Variants in NXF1 observed in about 807,000 individuals in gnomAD.
NXF1 encodes the protein nuclear RNA export factor 1, also known as mRNA export factor TAP.
A neutral mutation model predicts 92.4 loss-of-function variants in NXF1; 43 were observed. That is an observed-to-expected ratio of 0.47 (90% CI 0.36 to 0.60). The LOEUF is 0.60. Ranked by LOEUF, NXF1 falls within the 20% of genes least tolerant of loss-of-function variation. The pLI, the probability that NXF1 is intolerant of heterozygous loss-of-function variation, is 0.00. For synonymous variants in NXF1, 288 were observed against 292.2 expected, an observed-to-expected ratio of 0.99 and a Z score of 0.15; for missense variants, 576 against 793.0, an observed-to-expected ratio of 0.73 and a Z score of 3.29.
In NXF1 at chr11:62,792,468, GACT is replaced by G; in HGVS notation, c.*5_*7del. On this transcript the variant is annotated 3_prime_UTR_variant, in exon 21 of 21. Coordinates refer to ENST00000294172, the MANE Select transcript of NXF1 (RefSeq NM_006362.5). ...ACAGGGGGGACTGCTTCTGAGGCAT[GACT>G]ACGATCACTTCATGAATGCCACTTC... is the stretch of plus-strand genomic sequence containing the variant. 1 of 1,614,168 alleles carries G rather than the reference GACT, an allele frequency of 6.2e-7. No individual in the cohort carries two copies. The highest frequency in any genetic ancestry group is 8.5e-7 in the Non-Finnish European group (1 of 1,180,008).
At chr11:62,799,916 G>A (rs938629766) in intron 10 of NXF1, 17 of 988,604 alleles carry the variant, frequency 1.7e-5, no homozygotes, top group Middle Eastern at 5.1e-4. Flanking sequence ...CTTGGCGCAA[G>A]GGCAAGAGGG....
chr11:62,792,564 C>G (rs763717765), intron 20 of NXF1, 50 bp from the exon 21 acceptor site: 4 of 1,610,648 alleles, frequency 2.5e-6, no homozygotes, highest in Non-Finnish European at 3.4e-6. Flanking sequence ...CGCCACTCAG[C>G]AACCCCACTC....
rs2134778507 is a variant in NXF1, at chr11:62,802,198, A to C, written c.432T>G (p.Ser144Arg). ...WLLSMIQSKC[S>R]VPFTPIEFHY... ...TTACCTCAATAGGGGTGAAGGGCACACTGCACTTGCTCTGAATCATGCTCA... is the reference window on the plus strand; with the variant it reads ...TTACCTCAATAGGGGTGAAGGGCACCCTGCACTTGCTCTGAATCATGCTCA... The change falls in exon 4 of 21, where the codon AGT becomes AGG. Residue 144 changes from serine (S) to arginine (R), a missense_variant. Physicochemically the swap from Ser to Arg is moderately radical, Grantham distance 110. Transcript: ENST00000294172. The C allele has an allele frequency of 6.2e-7, 1 of 1,614,200 alleles. No individual in the cohort carries two copies. The highest frequency in any genetic ancestry group is 1.7e-5 in the Admixed American group (1 of 60,018).
chr11:62,797,104 A>G, intron 13 of NXF1, 79 bp downstream of exon 13: 1 of 1,280,858 alleles, frequency 7.8e-7, no homozygotes, highest in Non-Finnish European at 1.1e-6. Context: ...AACAAAACAA[A>G]AAGATTGATG....
At position 62,805,343 on chromosome 11, in the gene NXF1, C is replaced by T. The variant is rs1250189276; in HGVS notation, c.14G>A (p.Gly5Glu). 1 of 1,611,476 alleles carries T rather than the reference C, an allele frequency of 6.2e-7. No homozygotes were observed. The highest frequency in any genetic ancestry group is 8.5e-7 in the Non-Finnish European group (1 of 1,178,908). MADE[G>E]KSYSEHDDER... ...CCAGCACTTACCGCTGTACGACTTC[C>T]CCTCGTCCGCCATGCCACAGCGAAG... Residue 5 changes from glycine (G) to glutamate (E), a missense_variant, in exon 1 of 21, where the codon GGG (glycine) becomes GAG (glutamate). Coordinates refer to ENST00000294172, the MANE Select transcript of NXF1 (RefSeq NM_006362.5).
intron 3 of NXF1, among the ~76,000 whole-genome samples, chr11:62,802,907 C>T (rs2134779917): frequency 6.6e-6 from 1 of 152,326 alleles, no homozygotes; most frequent in East Asian, 1.9e-4. Flanking sequence ...TACTCCCTCC[C>T]CCAACCAAAA....
At position 62,805,404 on chromosome 11, in the gene NXF1, G is replaced by A. The variant is rs374336402; in HGVS notation, c.-48C>T. ...GGCTCAGGCGCTGGCCGCTACGCCG[G>A]CAAACAACCTAACTCCCAAGCGCTC... On this transcript the variant is annotated 5_prime_UTR_variant, in exon 1 of 21. Coordinates refer to ENST00000294172, the MANE Select transcript of NXF1 (RefSeq NM_006362.5). 36 of 1,606,612 alleles carry A rather than the reference G, an allele frequency of 2.2e-5. No homozygotes were observed. The highest frequency in any genetic ancestry group is 1.2e-4 in the African/African-American group (9 of 74,344).
intron 10 of NXF1, chr11:62,799,837 C>G: frequency 2.0e-6 from 2 of 986,454 alleles, no homozygotes; most frequent in Non-Finnish European, 2.4e-6. Flanking sequence ...CCACCAGCCC[C>G]TAGGAGGCCT....
chr11:62,797,576 C>T (rs554925478), intron 11 of NXF1, among the ~76,000 whole-genome samples, 190 bp from the exon 12 acceptor site: 4 of 152,094 alleles, frequency 2.6e-5, no homozygotes, highest in East Asian at 3.9e-4. Context: ...CATGGTGGTG[C>T]GTGCCTGGAG....
chr11:62,794,784 G>A (rs1025595426), intron 18 of NXF1, 151 bp downstream of exon 18: 3 of 688,900 alleles, frequency 4.4e-6, no homozygotes, highest in African/African-American at 1.8e-5. Context: ...CCAGAGCCAA[G>A]CTATTAACTG....
intron 19 of NXF1, among the ~76,000 whole-genome samples, chr11:62,792,966 C>CT (rs1230019127): frequency 4.6e-5 from 7 of 152,048 alleles, no homozygotes; most frequent in Non-Finnish European, 7.4e-5. Context: ...AGTAAAGAAA[C>CT]TAAGTTGCAG....
At chr11:62,799,383 C>T (rs1230932528) in intron 10 of NXF1, 4 of 985,554 alleles carry the variant, frequency 4.1e-6, no homozygotes, top group African/African-American at 1.7e-5. Flanking sequence ...CTGAACTGGG[C>T]GTGGGAAGCA....
chr11:62,804,419 T>G (rs556054526), intron 1 of NXF1, among the ~76,000 whole-genome samples: 3 of 152,366 alleles, frequency 2.0e-5, no homozygotes, highest in Admixed American at 6.5e-5. Flanking sequence ...GAGGAGCTCT[T>G]CGTTTCCATG....
chr11:62,792,264 C>CG lies in NXF1; in HGVS notation c.*211_*212insC. On this transcript the variant is annotated 3_prime_UTR_variant, in exon 21 of 21. Transcript: ENST00000294172. ...TTCGGGTAGTTTAGTGTCAGTTCTA[C>CG]AAAGTAAGCTTTGGCTTCCTGGCAC... 1.4e-6 allele frequency: 1 copy of CG among 721,574 alleles called. No individual in the cohort carries two copies. The highest frequency in any genetic ancestry group is 2.4e-6 in the Non-Finnish European group (1 of 420,034). The allele number at this position is 721,574 out of a possible 1,614,324, so 44.7% of individuals were successfully genotyped here.
At chr11:62,798,737 C>T (rs1413033108) in intron 10 of NXF1, 162 bp from the exon 11 acceptor site, 1 of 1,432,016 alleles carries the variant, frequency 7.0e-7, no homozygotes, top group Non-Finnish European at 9.1e-7. Context: ...CCCCACTCCC[C>T]ACCTGACCCG....
intron 19 of NXF1, among the ~76,000 whole-genome samples, chr11:62,792,999 C>T (rs2084381375): frequency 6.6e-6 from 1 of 152,054 alleles, no homozygotes; most frequent in Non-Finnish European, 1.5e-5. Context: ...AAAGGAACTT[C>T]CATTTTACCT....
chr11:62,801,062 T>A (rs878993850), intron 9 of NXF1, 32 bp downstream of exon 9: 1 of 1,536,296 alleles, frequency 6.5e-7, no homozygotes, highest in Non-Finnish European at 9.0e-7. Context: ...TACCCACCCC[T>A]TCAAAAATAT....
chr11:62,798,528 T>C lies in NXF1; in HGVS notation c.1053+11A>G. 6.2e-7 allele frequency: 1 copy of C among 1,613,810 alleles called. No individual in the cohort carries two copies. Among genetic ancestry groups the C allele is most frequent in the South Asian group, 1.1e-5 (1 of 91,054 alleles). ...GCTGTGCTTGTTAGAATGAAAAAAT[T>C]ATGGACTTACCAGGCGTAGTAACTT... On this transcript the variant is annotated intron_variant, in intron 11 of 20. Transcript: ENST00000294172.
chr11:62,799,028 G>C, intron 10 of NXF1: 1 of 999,022 alleles, frequency 1.0e-6, no homozygotes, highest in Non-Finnish European at 1.2e-6. Flanking sequence ...TGTTGGGGCA[G>C]GGAGATGAGC....
Sources: allele counts gnomAD v4.1 joint callset (sites outside exome capture counted in the v4.1 genomes callset), GRCh38; gene constraint gnomAD v4.1.1; transcripts MANE v1.5; gene names NCBI Gene and HGNC (gene_info 2026-07-23, HGNC 2026-07-21).